The following CTNNA3 variants were observed in gnomAD, a reference collection of about 807,000 sequenced individuals.
The protein encoded by CTNNA3 is catenin alpha-3.
A neutral mutation model predicts 95.7 loss-of-function variants in CTNNA3; 76 were observed. The ratio of observed to expected loss-of-function variants is 0.79; its 90% CI spans 0.66 to 0.96. CTNNA3 has a LOEUF of 0.96. Ranked by LOEUF, CTNNA3 falls within the 40% of genes least tolerant of loss-of-function variation. CTNNA3 has a pLI of 0.00. For synonymous variants in CTNNA3, 431 were observed against 374.4 expected (o/e 1.15, Z -1.74); for missense variants, 1,191 against 1,089.8 (o/e 1.09, Z -1.31).
chr10:66,416,839 T>C (rs2093150415), intron 11 of CTNNA3, among the ~76,000 whole-genome samples: 1 of 151,978 alleles, frequency 6.6e-6, no homozygotes, highest in Admixed American at 6.6e-5. Flanking sequence ...CAAAAGGACA[T>C]TTATCTACAT....
chr10:66,605,374 G>A (rs1844081320), intron 10 of CTNNA3, among the ~76,000 whole-genome samples: 1 of 152,068 alleles, frequency 6.6e-6, no homozygotes, highest in Non-Finnish European at 1.5e-5. Flanking sequence ...TAAGCAACTT[G>A]GAAAACATAT....
At chr10:67,440,710 T>A (rs1001149435) in intron 5 of CTNNA3, among the ~76,000 whole-genome samples, 28 of 151,956 alleles carry the variant, frequency 1.8e-4, no homozygotes, top group African/African-American at 6.8e-4. Context: ...CAGAAAATTA[T>A]TCTAGATTCT....
chr10:66,709,733 G>A (rs956968156), intron 9 of CTNNA3, among the ~76,000 whole-genome samples: 12 of 151,900 alleles, frequency 7.9e-5, no homozygotes, highest in Admixed American at 2.0e-4. Flanking sequence ...GGTGACACAC[G>A]GTCATTTCAA....
chr10:66,018,855 GA>G (rs956962586), intron 15 of CTNNA3, among the ~76,000 whole-genome samples: 16 of 151,254 alleles, frequency 1.1e-4, no homozygotes, highest in East Asian at 5.8e-4. Flanking sequence ...ATCTTTGAAG[GA>G]AAAAAAATAG....
At chr10:67,159,175 C>T (rs901907498) in intron 7 of CTNNA3, among the ~76,000 whole-genome samples, 4 of 152,320 alleles carry the variant, frequency 2.6e-5, no homozygotes, top group African/African-American at 4.8e-5. Context: ...TGACCGCCAG[C>T]GCATGCAGCC....
At chr10:67,668,832 CTTTTTT>C (rs869150567) in intron 1 of CTNNA3, among the ~76,000 whole-genome samples, 1 of 90,108 alleles carries the variant, frequency 1.1e-5, no homozygotes, top group Non-Finnish European at 2.1e-5. Context: ...TACTGTGTTT[CTTTTTT>C]TTTTTTTTTT....
intron 10 of CTNNA3, among the ~76,000 whole-genome samples, chr10:66,536,179 CAG>C (rs1254945028): frequency 6.8e-6 from 1 of 147,046 alleles, no homozygotes. Context: ...CAGAGAGAGA[CAG>C]AGAGAGAGAA....
chr10:66,357,424 C>T (rs2092619656), intron 12 of CTNNA3, among the ~76,000 whole-genome samples: 1 of 151,980 alleles, frequency 6.6e-6, no homozygotes, highest in South Asian at 2.1e-4. Flanking sequence ...GTGTATCTAT[C>T]ACCATAATCA....
chr10:67,083,948 G>C (rs1170837621), intron 7 of CTNNA3, among the ~76,000 whole-genome samples: 1 of 152,114 alleles, frequency 6.6e-6, no homozygotes, highest in Non-Finnish European at 1.5e-5. Flanking sequence ...CTATTAGGAA[G>C]GGAGAGGGAC....
At chr10:67,589,315 G>A (rs1842726583) in intron 3 of CTNNA3, among the ~76,000 whole-genome samples, 1 of 151,900 alleles carries the variant, frequency 6.6e-6, no homozygotes, top group Non-Finnish European at 1.5e-5. Context: ...AATATACTCT[G>A]GGTGCCCAGG....
chr10:66,366,581 T>C (rs1316601270), intron 12 of CTNNA3, among the ~76,000 whole-genome samples: 1 of 152,124 alleles, frequency 6.6e-6, no homozygotes, highest in Non-Finnish European at 1.5e-5. Context: ...GAACACATCA[T>C]CTATGAGGGA....
At chr10:65,971,740 G>A (rs959760522) in intron 16 of CTNNA3, among the ~76,000 whole-genome samples, 4 of 151,928 alleles carry the variant, frequency 2.6e-5, no homozygotes, top group African/African-American at 9.7e-5. Context: ...ATACATAGAA[G>A]AGCTGATACC....
intron 11 of CTNNA3, among the ~76,000 whole-genome samples, chr10:66,494,364 G>A (rs149462924): frequency 6.6e-6 from 1 of 152,312 alleles, no homozygotes; most frequent in African/African-American, 2.4e-5. Flanking sequence ...ATACTGCCAG[G>A]TGGTATTCCA....
intron 15 of CTNNA3, among the ~76,000 whole-genome samples, chr10:66,050,356 C>G (rs2079922447): frequency 6.6e-6 from 1 of 151,440 alleles, no homozygotes; most frequent in African/African-American, 2.4e-5. Flanking sequence ...AAAATAGCAC[C>G]AATATTTTTC....
intron 9 of CTNNA3, among the ~76,000 whole-genome samples, chr10:66,687,286 G>A (rs897422399): frequency 6.6e-6 from 1 of 152,070 alleles, no homozygotes; most frequent in African/African-American, 2.4e-5. Context: ...AGATATATAT[G>A]TTGTCCTTCA....
intron 6 of CTNNA3, among the ~76,000 whole-genome samples, chr10:67,193,947 C>T (rs1408873510): frequency 6.6e-6 from 1 of 152,000 alleles, no homozygotes; most frequent in African/African-American, 2.4e-5. Context: ...ATAAGTGTTC[C>T]CTTTGCTCCA....
chr10:65,924,638 C>G (rs959464317), intron 17 of CTNNA3, among the ~76,000 whole-genome samples: 4 of 152,068 alleles, frequency 2.6e-5, no homozygotes, highest in African/African-American at 9.7e-5. Flanking sequence ...TCTTGCAGAA[C>G]AAAATTATCC....
At chr10:65,940,963 T>C (rs191687659) in intron 17 of CTNNA3, among the ~76,000 whole-genome samples, 1 of 152,300 alleles carries the variant, frequency 6.6e-6, no homozygotes, top group African/African-American at 2.4e-5. Context: ...AAGTATTATA[T>C]CCATTATCAC....
chr10:67,381,012 C>G (rs760270953), intron 5 of CTNNA3, among the ~76,000 whole-genome samples: 2 of 152,202 alleles, frequency 1.3e-5, no homozygotes, highest in Non-Finnish European at 2.9e-5. Flanking sequence ...TCCATTACCA[C>G]AGTCCTGATG....
Sources: gnomAD v4.1 joint callset for allele counts (sites outside exome capture counted in the v4.1 genomes callset) on GRCh38, gnomAD v4.1.1 for gene constraint, MANE v1.5 for transcripts, NCBI Gene and HGNC (gene_info 2026-07-23, HGNC 2026-07-21) for gene names.